SLC9D1: variants seen among roughly 807,000 people sequenced by gnomAD.
SLC9D1 encodes putative LAG1-interacting protein.
At chr13:113,517,660 C>T in the SLC9D1 span, among the ~76,000 whole-genome samples, 1 of 152,128 alleles carries the variant, frequency 6.6e-6, no homozygotes, top group East Asian at 1.9e-4. Flanking sequence ...TGGTCAAAAA[C>T]GGCAAGTCGC....
the SLC9D1 span, among the ~76,000 whole-genome samples, chr13:113,542,541 A>C: frequency 6.6e-6 from 1 of 152,248 alleles, no homozygotes; most frequent in East Asian, 1.9e-4. Flanking sequence ...TCAGCCACAG[A>C]AACTAACATG....
chr13:113,495,198 A>G, the SLC9D1 span, among the ~76,000 whole-genome samples: 1 of 152,186 alleles, frequency 6.6e-6, no homozygotes, highest in Admixed American at 6.5e-5. Flanking sequence ...TCTTTTGCAC[A>G]TGGTGGAGTT....
chr13:113,499,902 C>A, the SLC9D1 span: 1 of 1,129,744 alleles, frequency 8.9e-7, no homozygotes, highest in Non-Finnish European at 1.2e-6. Context: ...CGTTCATTCT[C>A]CAAAAATTGA....
At chr13:113,491,483 C>CCCTT in the SLC9D1 span, among the ~76,000 whole-genome samples, 3 of 147,180 alleles carry the variant, frequency 2.0e-5, no homozygotes, top group African/African-American at 7.6e-5. Flanking sequence ...CCCAGGGGTC[C>CCCTT]CCTTCCTTCC....
chr13:113,548,053 G>C, the SLC9D1 span, among the ~76,000 whole-genome samples: 2 of 152,018 alleles, frequency 1.3e-5, no homozygotes, highest in Non-Finnish European at 2.9e-5. Context: ...CTTGGGCAAG[G>C]CTTATTATTT....
At chr13:113,501,775 G>T in the SLC9D1 span, 4 of 1,610,322 alleles carry the variant, frequency 2.5e-6, no homozygotes, top group Non-Finnish European at 3.4e-6. Flanking sequence ...TAGGAATGCT[G>T]TCCTTGCCTT....
the SLC9D1 span, among the ~76,000 whole-genome samples, chr13:113,508,901 A>G: frequency 6.6e-6 from 1 of 152,238 alleles, no homozygotes; most frequent in Non-Finnish European, 1.5e-5. Flanking sequence ...CACCCAAGGT[A>G]CATTGGGGCT....
At chr13:113,496,073 G>C in the SLC9D1 span, 21 of 1,287,558 alleles carry the variant, frequency 1.6e-5, no homozygotes, top group Non-Finnish European at 2.1e-5. Context: ...GGAGAGAGAG[G>C]TGAAGAGAGA....
At chr13:113,548,511 G>A in the SLC9D1 span, 7 of 1,550,814 alleles carry the variant, frequency 4.5e-6, no homozygotes, top group Non-Finnish European at 8.7e-7. Flanking sequence ...CTCTGGGTTT[G>A]AGTCGGGTGT....
At chr13:113,537,485 A>G in the SLC9D1 span, among the ~76,000 whole-genome samples, 1 of 152,152 alleles carries the variant, frequency 6.6e-6, no homozygotes, top group Non-Finnish European at 1.5e-5. Context: ...GCCCCTTTTT[A>G]TGGCTGAAAA....
At chr13:113,500,143 T>C in the SLC9D1 span, 3 of 1,498,054 alleles carry the variant, frequency 2.0e-6, no homozygotes, top group Non-Finnish European at 2.7e-6. Context: ...ATCACCACTT[T>C]ATAAAGGTAG....
the SLC9D1 span, among the ~76,000 whole-genome samples, chr13:113,512,864 C>A: frequency 1.0e-4 from 15 of 146,066 alleles, no homozygotes; most frequent in Non-Finnish European, 1.4e-4. Context: ...GGAAGGGGGC[C>A]AGAGTGTAGA....
At chr13:113,499,629 A>G in the SLC9D1 span, among the ~76,000 whole-genome samples, 1 of 152,242 alleles carries the variant, frequency 6.6e-6, no homozygotes, top group Non-Finnish European at 1.5e-5. Context: ...AAAACAAATC[A>G]GAATAAGATT....
At chr13:113,544,121 G>A in the SLC9D1 span, among the ~76,000 whole-genome samples, 6 of 152,234 alleles carry the variant, frequency 3.9e-5, no homozygotes, top group Admixed American at 1.3e-4. Flanking sequence ...ATGTGTCCGG[G>A]CTGCCTGCCC....
chr13:113,520,751 G>C, the SLC9D1 span: 23 of 1,548,420 alleles, frequency 1.5e-5, no homozygotes, highest in Non-Finnish European at 2.0e-5. Flanking sequence ...CTTTGTGTAC[G>C]CAATTTGTTT....
At chr13:113,544,406 G>A in the SLC9D1 span, among the ~76,000 whole-genome samples, 2 of 151,980 alleles carry the variant, frequency 1.3e-5, no homozygotes, top group East Asian at 3.9e-4. Flanking sequence ...TGGCAGTGTG[G>A]CTCCGGCCCA....
At chr13:113,533,686 G>A in the SLC9D1 span, among the ~76,000 whole-genome samples, 3 of 152,216 alleles carry the variant, frequency 2.0e-5, no homozygotes, top group Admixed American at 6.5e-5. Context: ...GGTGGGGCAC[G>A]GAGAGCAACC....
chr13:113,531,688 C>T, the SLC9D1 span, among the ~76,000 whole-genome samples: 13 of 151,202 alleles, frequency 8.6e-5, no homozygotes, highest in Non-Finnish European at 1.5e-4. Flanking sequence ...CACGGCGCCC[C>T]GTACATGCAG....
At chr13:113,538,907 G>A in the SLC9D1 span, among the ~76,000 whole-genome samples, 3 of 152,206 alleles carry the variant, frequency 2.0e-5, no homozygotes, top group African/African-American at 4.8e-5. Context: ...CCGTGGACAC[G>A]CCGATGCTTC....
Sources: gnomAD v4.1 joint callset for allele counts (sites outside exome capture counted in the v4.1 genomes callset) on GRCh38, gnomAD v4.1.1 for gene constraint, MANE v1.5 for transcripts, NCBI Gene and HGNC (gene_info 2026-07-23, HGNC 2026-07-21) for gene names.